The following RERE variants were observed in gnomAD, a reference collection of about 807,000 sequenced individuals.
RERE encodes arginine-glutamic acid dipeptide repeats protein.
A neutral mutation model predicts 146.1 loss-of-function variants in RERE; 40 were observed. The observed-to-expected ratio is 0.27, with a 90% confidence interval of 0.21 to 0.36. The LOEUF is 0.36. Ranked by LOEUF, RERE falls within the 10% of genes least tolerant of loss-of-function variation. The probability of loss-of-function intolerance (pLI) is 1.00; values close to 1 mark genes in which losing one functional copy is unlikely to be tolerated. For missense variants in RERE, 1,933 were observed against 2,138.7 expected (o/e 0.90, Z 1.90); for synonymous variants, 1,003 against 866.0 (o/e 1.16, Z -2.78).
chr1:8,711,610 AAAAC>A (rs1192786166), intron 1 of RERE, among the ~76,000 whole-genome samples: 2 of 152,236 alleles, frequency 1.3e-5, no homozygotes, highest in African/African-American at 2.4e-5. Flanking sequence ...TACAGATTTA[AAAAC>A]AAACAGTTTT....
chr1:8,697,379 A>AC (rs1639354214), intron 1 of RERE, among the ~76,000 whole-genome samples: 1 of 111,942 alleles, frequency 8.9e-6, no homozygotes. Flanking sequence ...TCCCCCAACC[A>AC]CACCCCCCCC....
At chr1:8,720,727 C>T (rs1007379721) in intron 1 of RERE, among the ~76,000 whole-genome samples, 3 of 152,142 alleles carry the variant, frequency 2.0e-5, no homozygotes, top group Non-Finnish European at 2.9e-5. Context: ...TCCCAAAATA[C>T]GTTACTTGTA....
intron 1 of RERE, among the ~76,000 whole-genome samples, chr1:8,661,540 C>T (rs549534322): frequency 1.3e-5 from 2 of 152,210 alleles, no homozygotes; most frequent in African/African-American, 2.4e-5. Context: ...ACGATCACCC[C>T]GGGAAGACAA....
At chr1:8,390,912 C>T (rs1254796870) in intron 12 of RERE, among the ~76,000 whole-genome samples, 1 of 152,082 alleles carries the variant, frequency 6.6e-6, no homozygotes, top group South Asian at 2.1e-4. Flanking sequence ...TCTCACCAAT[C>T]CTGCCTTCCA....
chr1:8,386,911 C>A (rs1557603892), intron 12 of RERE, among the ~76,000 whole-genome samples: 2 of 152,012 alleles, frequency 1.3e-5, no homozygotes, highest in Admixed American at 1.3e-4. Flanking sequence ...AGAAAAAAGA[C>A]GGATAAAGGG....
intron 1 of RERE, among the ~76,000 whole-genome samples, chr1:8,701,858 T>TA (rs1639458484): frequency 6.6e-6 from 1 of 152,166 alleles, no homozygotes; most frequent in South Asian, 2.1e-4. Context: ...GTTAAGCATC[T>TA]AAAAATCTGC....
At chr1:8,733,370 G>T (rs775901036) in intron 1 of RERE, among the ~76,000 whole-genome samples, 1 of 152,174 alleles carries the variant, frequency 6.6e-6, no homozygotes, top group South Asian at 2.1e-4. Context: ...ACATTTTCAT[G>T]AGAACTGTGG....
rs564915239 is a variant in RERE, at chr1:8,481,890, G to A, written c.1104+13173C>T. Among the ~76,000 whole-genome samples, 367 of 152,292 alleles carry A rather than the reference G, an allele frequency of 2.4e-3. 2 individuals are homozygous for A. Among genetic ancestry groups the A allele is most frequent in the African/African-American group, 8.4e-3 (349 of 41,568 alleles). ...ACTGCACTGAGCAGATGAGCTTTTA[G>A]GATAACTGAGGGGTATCCCTGGGTC... On this transcript the variant is annotated intron_variant, in intron 10 of 22. Transcript: ENST00000400908.
intron 12 of RERE, among the ~76,000 whole-genome samples, chr1:8,398,270 G>A (rs1330033194): frequency 6.6e-6 from 1 of 152,254 alleles, no homozygotes; most frequent in Non-Finnish European, 1.5e-5. Flanking sequence ...CAGTAGGGAA[G>A]GGGCTTGGAG....
intron 2 of RERE, among the ~76,000 whole-genome samples, chr1:8,638,783 ATTTTTTTTT>A (rs34276909): frequency 2.0e-5 from 2 of 100,348 alleles, no homozygotes; most frequent in Non-Finnish European, 1.9e-5. Flanking sequence ...ACGAAAAAAA[ATTTTTTTTT>A]TTTTTTTTTT....
intron 1 of RERE, among the ~76,000 whole-genome samples, chr1:8,711,693 G>C (rs1016325114): frequency 2.0e-5 from 3 of 152,124 alleles, no homozygotes; most frequent in African/African-American, 7.2e-5. Context: ...CGTGTATTTT[G>C]AACTGATGAT....
intron 10 of RERE, among the ~76,000 whole-genome samples, chr1:8,475,674 C>T (rs1279667246): frequency 1.3e-5 from 2 of 150,706 alleles, no homozygotes; most frequent in African/African-American, 4.9e-5. Flanking sequence ...AAGAGTGAGA[C>T]TCTGTCTCAA....
At chr1:8,702,228 C>T (rs1158457076) in intron 1 of RERE, among the ~76,000 whole-genome samples, 1 of 152,216 alleles carries the variant, frequency 6.6e-6, no homozygotes. Context: ...CGTGTTCATT[C>T]ACAGACCATT....
At chr1:8,642,640 G>A (rs1647195286) in intron 2 of RERE, among the ~76,000 whole-genome samples, 1 of 152,152 alleles carries the variant, frequency 6.6e-6, no homozygotes, top group Non-Finnish European at 1.5e-5. Flanking sequence ...CCTTAAAAGT[G>A]ATTAAAATGT....
intron 2 of RERE, among the ~76,000 whole-genome samples, chr1:8,641,134 CA>C (rs1235472154): frequency 1.3e-5 from 2 of 152,210 alleles, no homozygotes; most frequent in African/African-American, 4.8e-5. Context: ...ATGACAAACA[CA>C]TGGGTCAATG....
intron 4 of RERE, among the ~76,000 whole-genome samples, chr1:8,576,222 A>C (rs1322049504): frequency 6.6e-6 from 1 of 152,172 alleles, no homozygotes; most frequent in African/African-American, 2.4e-5. Flanking sequence ...TAGGGAAAAA[A>C]AAAAAAAGTT....
At chr1:8,586,391 C>T (rs1294818328) in intron 4 of RERE, among the ~76,000 whole-genome samples, 5 of 152,128 alleles carry the variant, frequency 3.3e-5, no homozygotes, top group African/African-American at 1.2e-4. Flanking sequence ...TGTTTCTTGA[C>T]CTGGGAGGTA....
At chr1:8,656,497 A>G in intron 1 of RERE, 56 bp from the exon 2 acceptor site, 1 of 691,594 alleles carries the variant, frequency 1.4e-6, no homozygotes, top group Non-Finnish European at 2.3e-6. Context: ...TCCTAAAATA[A>G]TGTTTTGTTA....
At chr1:8,559,279 T>TTAAAAAAAA (rs1646044423) in intron 4 of RERE, among the ~76,000 whole-genome samples, 1 of 2,050 alleles carries the variant, frequency 4.9e-4, no homozygotes, top group East Asian at 0.019. Flanking sequence ...AAACTCCAGC[T>TTAAAAAAAA]CAAAAAAAAA....
Sources: gnomAD v4.1 joint callset for allele counts (sites outside exome capture counted in the v4.1 genomes callset) on GRCh38, gnomAD v4.1.1 for gene constraint, MANE v1.5 for transcripts, NCBI Gene and HGNC (gene_info 2026-07-23, HGNC 2026-07-21) for gene names.